The following CACNA2D3 variants were observed in gnomAD, a reference collection of about 807,000 sequenced individuals.
CACNA2D3 encodes voltage-dependent calcium channel subunit alpha-2/delta-3.
Under a neutral mutation model 160.6 loss-of-function variants are expected in CACNA2D3, and 60 were observed. The observed-to-expected ratio is 0.37, with a 90% confidence interval of 0.30 to 0.46. CACNA2D3 has a LOEUF of 0.46. Ranked by LOEUF, CACNA2D3 falls within the 20% of genes least tolerant of loss-of-function variation. The probability of loss-of-function intolerance (pLI) is 1.00; values close to 1 mark genes in which losing one functional copy is unlikely to be tolerated. For synonymous variants in CACNA2D3, 558 were observed against 492.9 expected (o/e 1.13, Z -1.75); for missense variants, 1,205 against 1,365.0 (o/e 0.88, Z 1.85).
chr3:55,009,362 A>C lies in CACNA2D3; in HGVS notation c.2820-26A>C. ...ATATGGGCATGGATGACGAAGTAAC[A>C]TTGGGCTTTTCCACGATCTGTTTAG... On this transcript the variant is annotated intron_variant, in intron 33 of 37. Transcript: ENST00000474759. 3 of 1,610,402 alleles carry C rather than the reference A, an allele frequency of 1.9e-6. No homozygotes were observed. In the South Asian group the frequency reaches 3.3e-5, roughly 18 times the overall value.
At chr3:54,946,781 G>A (rs79764196) in intron 27 of CACNA2D3, among the ~76,000 whole-genome samples, 2,604 of 151,418 alleles carry the variant, frequency 0.017, 70 homozygotes, top group African/African-American at 0.057. Flanking sequence ...GAAATGAAAG[G>A]TAAGACATAC....
At chr3:54,883,156 T>C (rs1289403103) in intron 21 of CACNA2D3, among the ~76,000 whole-genome samples, 4 of 152,086 alleles carry the variant, frequency 2.6e-5, no homozygotes, top group Non-Finnish European at 5.9e-5. Context: ...CCTGAGTAGC[T>C]GGGATTACAG....
At chr3:54,690,850 A>G (rs1267975720) in intron 11 of CACNA2D3, among the ~76,000 whole-genome samples, 1 of 152,174 alleles carries the variant, frequency 6.6e-6, no homozygotes, top group African/African-American at 2.4e-5. Flanking sequence ...TCATGCTAGA[A>G]GGATTTAGGC....
At chr3:54,477,970 G>A (rs565179431) in intron 4 of CACNA2D3, among the ~76,000 whole-genome samples, 101 of 152,238 alleles carry the variant, frequency 6.6e-4, no homozygotes, top group African/African-American at 2.3e-3. Flanking sequence ...AACCTCAGGA[G>A]GAAAGTCTTA....
intron 2 of CACNA2D3, among the ~76,000 whole-genome samples, chr3:54,206,457 G>T (rs1323244797): frequency 6.6e-6 from 1 of 152,184 alleles, no homozygotes; most frequent in African/African-American, 2.4e-5. Flanking sequence ...TGGGAGGAAG[G>T]TCTCATTACT....
At chr3:54,422,355 G>A (rs1699849272) in intron 4 of CACNA2D3, among the ~76,000 whole-genome samples, 1 of 152,214 alleles carries the variant, frequency 6.6e-6, no homozygotes, top group African/African-American at 2.4e-5. Flanking sequence ...CGTCTCTGGT[G>A]CTAGGGACGT....
intron 4 of CACNA2D3, among the ~76,000 whole-genome samples, chr3:54,462,137 A>G (rs1232829724): frequency 6.6e-6 from 1 of 152,148 alleles, no homozygotes; most frequent in East Asian, 1.9e-4. Flanking sequence ...CTGTGGTCTG[A>G]GAGACAGCTT....
chr3:54,605,265 A>G (rs1407998465), intron 9 of CACNA2D3, among the ~76,000 whole-genome samples: 1 of 152,196 alleles, frequency 6.6e-6, no homozygotes, highest in East Asian at 1.9e-4. Context: ...ACTGAGGATT[A>G]GGGCTTCAGT....
chr3:54,424,841 A>G (rs983910353), intron 4 of CACNA2D3, among the ~76,000 whole-genome samples: 8 of 152,116 alleles, frequency 5.3e-5, no homozygotes, highest in Middle Eastern at 6.8e-3. Flanking sequence ...TGCATTCTCC[A>G]TATTCCTGCA....
At chr3:54,985,423 T>C (rs1575422427) in intron 30 of CACNA2D3, among the ~76,000 whole-genome samples, 2 of 152,048 alleles carry the variant, frequency 1.3e-5, no homozygotes, top group African/African-American at 4.8e-5. Flanking sequence ...CATTAACGTA[T>C]AAAAAAAGGT....
chr3:54,912,518 G>A (rs1700580007), intron 27 of CACNA2D3, among the ~76,000 whole-genome samples: 1 of 151,998 alleles, frequency 6.6e-6, no homozygotes, highest in Non-Finnish European at 1.5e-5. Context: ...CTACCTCAGG[G>A]CCTTTGCACC....
chr3:54,690,578 G>C (rs980805009), intron 11 of CACNA2D3, among the ~76,000 whole-genome samples: 1 of 151,882 alleles, frequency 6.6e-6, no homozygotes, highest in Non-Finnish European at 1.5e-5. Context: ...TATGTTATCT[G>C]GCTAGTGGTA....
At chr3:54,726,491 A>G (rs1449577641) in intron 11 of CACNA2D3, among the ~76,000 whole-genome samples, 1 of 152,200 alleles carries the variant, frequency 6.6e-6, no homozygotes, top group Non-Finnish European at 1.5e-5. Context: ...TGGAGGCATC[A>G]CACTACCTGA....
intron 35 of CACNA2D3, among the ~76,000 whole-genome samples, chr3:55,028,826 G>A (rs1020002593): frequency 6.6e-6 from 1 of 151,832 alleles, no homozygotes; most frequent in African/African-American, 2.4e-5. Flanking sequence ...TATTGCCGTC[G>A]GTTTCACTTT....
At chr3:54,739,933 C>T (rs1443635614) in intron 11 of CACNA2D3, among the ~76,000 whole-genome samples, 1 of 152,118 alleles carries the variant, frequency 6.6e-6, no homozygotes, top group Non-Finnish European at 1.5e-5. Flanking sequence ...CTTACAACTT[C>T]CGCAAGGGCA....
At chr3:54,215,923 T>A (rs1305157908) in intron 2 of CACNA2D3, among the ~76,000 whole-genome samples, 1 of 152,088 alleles carries the variant, frequency 6.6e-6, no homozygotes, top group African/African-American at 2.4e-5. Context: ...CTTTCTCTTA[T>A]GGAACGATCG....
chr3:54,829,993 CA>C (rs1703838273), intron 14 of CACNA2D3, among the ~76,000 whole-genome samples: 1 of 8,960 alleles, frequency 1.1e-4, no homozygotes, highest in Non-Finnish European at 2.0e-4. Flanking sequence ...CTCCCAGGTT[CA>C]AGCAATTCTC....
In CACNA2D3 at chr3:54,500,751, G is replaced by A. The variant is rs549750279; in HGVS notation, c.382-2741G>A. 1.5e-3 allele frequency among the ~76,000 whole-genome samples: 221 copies of A among 151,868 alleles called. 5 individuals carry two copies. The South Asian group carries it at 0.043, about 30-fold the overall frequency. On this transcript the variant is annotated intron_variant, in intron 4 of 37. Coordinates refer to ENST00000474759, the MANE Select transcript of CACNA2D3 (RefSeq NM_018398.3). ...TATTTTAGTAGTTGCCTTAAAGTTTGCTGTATGCATTTACAACTAATTTAA... is the reference window on the plus strand; with the variant it reads ...TATTTTAGTAGTTGCCTTAAAGTTTACTGTATGCATTTACAACTAATTTAA...
chr3:54,718,546 G>A (rs2106981476), intron 11 of CACNA2D3, among the ~76,000 whole-genome samples: 1 of 151,798 alleles, frequency 6.6e-6, no homozygotes, highest in South Asian at 2.1e-4. Context: ...CTATTGGTCT[G>A]TTTATGTTTG....
Sources: allele counts gnomAD v4.1 joint callset (sites outside exome capture counted in the v4.1 genomes callset), GRCh38; gene constraint gnomAD v4.1.1; transcripts MANE v1.5; gene names NCBI Gene and HGNC (gene_info 2026-07-23, HGNC 2026-07-21).